The following PCDH9 variants were observed in gnomAD, a reference collection of about 807,000 sequenced individuals.
PCDH9 encodes protocadherin 9, also known as protocadherin-9.
A neutral mutation model predicts 70.6 loss-of-function variants in PCDH9; 24 were observed. That is an observed-to-expected ratio of 0.34 (90% CI 0.25 to 0.48). PCDH9 has a LOEUF of 0.48. Ranked by LOEUF, PCDH9 falls within the 20% of genes least tolerant of loss-of-function variation. The pLI is 0.99. For missense variants in PCDH9, 1,281 were observed against 1,503.6 expected (o/e 0.85, Z 2.45); for synonymous variants, 562 against 558.5 (o/e 1.01, Z -0.09).
chr13:67,004,564 AAAAG>A lies in PCDH9; in HGVS notation c.3037-100963_3037-100960del, dbSNP rs1001686666. 2.5e-3 allele frequency among the ~76,000 whole-genome samples: 365 copies of A among 148,168 alleles called. 3 individuals are homozygous for A. Among genetic ancestry groups the A allele is most frequent in the African/African-American group, 4.5e-3 (183 of 40,684 alleles). On this transcript the variant is annotated intron_variant, in intron 2 of 4. Transcript: ENST00000377865. ...AGAGACTCCGTCTCAAAAAAAAAAA[AAAAG>A]AAAGAAAGAAAGAAAGAAAGAAATG...
At chr13:67,185,775 C>A (rs912058986) in intron 2 of PCDH9, among the ~76,000 whole-genome samples, 35 of 152,144 alleles carry the variant, frequency 2.3e-4, no homozygotes, top group African/African-American at 7.2e-4. Flanking sequence ...TCTTGTTGCC[C>A]AGGCTGGAGT....
At chr13:66,377,620 T>C (rs2138232958) in intron 4 of PCDH9, among the ~76,000 whole-genome samples, 1 of 152,260 alleles carries the variant, frequency 6.6e-6, no homozygotes, top group Middle Eastern at 3.4e-3. Flanking sequence ...GAGTCAATAA[T>C]ATGAAAGGAC....
intron 3 of PCDH9, among the ~76,000 whole-genome samples, chr13:66,869,413 T>G (rs1287087658): frequency 6.6e-6 from 1 of 152,122 alleles, no homozygotes; most frequent in Non-Finnish European, 1.5e-5. Context: ...GAAGCATCTT[T>G]TTCTCTTCTC....
At chr13:67,000,204 T>A (rs1172702909) in intron 2 of PCDH9, among the ~76,000 whole-genome samples, 1 of 151,822 alleles carries the variant, frequency 6.6e-6, no homozygotes, top group Non-Finnish European at 1.5e-5. Context: ...AAATTGGAAA[T>A]CATCATTTTC....
At chr13:66,404,190 C>A (rs1957239354) in intron 4 of PCDH9, among the ~76,000 whole-genome samples, 1 of 152,162 alleles carries the variant, frequency 6.6e-6, no homozygotes, top group Non-Finnish European at 1.5e-5. Flanking sequence ...AATAGAGGCA[C>A]TGCTTACTCC....
intron 3 of PCDH9, among the ~76,000 whole-genome samples, chr13:66,866,307 C>A (rs1234341433): frequency 6.6e-6 from 1 of 151,624 alleles, no homozygotes; most frequent in Non-Finnish European, 1.5e-5. Context: ...ACGGTGAAAC[C>A]CCGTCTCTAT....
intron 4 of PCDH9, among the ~76,000 whole-genome samples, chr13:66,573,398 T>C (rs1320023396): frequency 6.6e-6 from 1 of 152,104 alleles, no homozygotes; most frequent in Non-Finnish European, 1.5e-5. Flanking sequence ...CTCGGTTGAT[T>C]GTTTCTTTTG....
chr13:66,784,678 C>T (rs752381380), intron 3 of PCDH9, among the ~76,000 whole-genome samples: 7 of 151,950 alleles, frequency 4.6e-5, no homozygotes, highest in African/African-American at 7.3e-5. Context: ...AATATAAAAC[C>T]GTTCCATAAG....
chr13:66,812,541 T>A (rs2119757), intron 3 of PCDH9, among the ~76,000 whole-genome samples: 1 of 152,162 alleles, frequency 6.6e-6, no homozygotes, highest in Non-Finnish European at 1.5e-5. Flanking sequence ...TAGAAGCAAC[T>A]CATTTTCTAT....
intron 3 of PCDH9, among the ~76,000 whole-genome samples, chr13:66,685,529 C>G (rs180759172): frequency 2.2e-4 from 33 of 152,322 alleles, no homozygotes; most frequent in African/African-American, 5.8e-4. Flanking sequence ...TTGGAGCCCC[C>G]ACACAGAGTC....
At chr13:66,567,540 A>G (rs2076671213) in intron 4 of PCDH9, among the ~76,000 whole-genome samples, 1 of 152,168 alleles carries the variant, frequency 6.6e-6, no homozygotes, top group African/African-American at 2.4e-5. Flanking sequence ...TCAACAAATG[A>G]TATTACAATG....
intron 3 of PCDH9, among the ~76,000 whole-genome samples, chr13:66,640,488 C>T (rs560140716): frequency 2.6e-5 from 4 of 151,856 alleles, no homozygotes; most frequent in East Asian, 3.9e-4. Flanking sequence ...AGACTATGGC[C>T]AGACTGGTAA....
At chr13:67,057,892 T>C (rs2085454562) in intron 2 of PCDH9, among the ~76,000 whole-genome samples, 1 of 152,148 alleles carries the variant, frequency 6.6e-6, no homozygotes, top group African/African-American at 2.4e-5. Flanking sequence ...CAATTTTATA[T>C]TGTTGTTGAT....
chr13:66,754,043 C>CTTTTTTTATTTCA (rs576728389), intron 3 of PCDH9, among the ~76,000 whole-genome samples: 4 of 151,962 alleles, frequency 2.6e-5, no homozygotes, highest in African/African-American at 9.7e-5. Context: ...CTGAACCTCT[C>CTTTTTTTATTTCA]TTTTTTTATT....
At chr13:66,962,179 G>A (rs547369989) in intron 2 of PCDH9, among the ~76,000 whole-genome samples, 1 of 152,046 alleles carries the variant, frequency 6.6e-6, no homozygotes, top group African/African-American at 2.4e-5. Context: ...TTGGAGAGAG[G>A]GATAAGGAAA....
At chr13:67,042,975 G>T (rs1364777160) in intron 2 of PCDH9, among the ~76,000 whole-genome samples, 1 of 152,068 alleles carries the variant, frequency 6.6e-6, no homozygotes, top group African/African-American at 2.4e-5. Context: ...GGATTGCATA[G>T]AAGGAGGTGA....
chr13:67,094,702 A>C (rs1177836577), intron 2 of PCDH9, among the ~76,000 whole-genome samples: 3 of 151,870 alleles, frequency 2.0e-5, no homozygotes. Flanking sequence ...CATATTTAAT[A>C]AAATAGACTT....
chr13:66,543,572 A>AT (rs1961057531), intron 4 of PCDH9, among the ~76,000 whole-genome samples: 1 of 152,062 alleles, frequency 6.6e-6, no homozygotes, highest in Non-Finnish European at 1.5e-5. Context: ...GTTTCAAAAA[A>AT]AAAAAAGATT....
chr13:67,154,705 CT>C (rs869190537), intron 2 of PCDH9, among the ~76,000 whole-genome samples: 2,285 of 85,240 alleles, frequency 0.027, 32 homozygotes, highest in African/African-American at 0.058. Context: ...GATCTGTAAT[CT>C]TTTTTTTTTT....
Sources: allele counts gnomAD v4.1 joint callset (sites outside exome capture counted in the v4.1 genomes callset), GRCh38; gene constraint gnomAD v4.1.1; transcripts MANE v1.5; gene names NCBI Gene and HGNC (gene_info 2026-07-23, HGNC 2026-07-21).